CYRIB: variants seen among roughly 807,000 people sequenced by gnomAD.
The protein encoded by CYRIB is CYFIP related Rac1 interactor B.
CYRIB carries 8 observed loss-of-function variants against 44.2 expected under a neutral mutation model. That is an observed-to-expected ratio of 0.18 (90% confidence interval 0.11 to 0.33). The LOEUF (loss-of-function observed/expected upper bound fraction) is 0.33, where lower values mean the gene tolerates loss of function less well. Among genes scored for constraint, CYRIB ranks in the 10% least tolerant of loss-of-function variants. The pLI, the probability that CYRIB is intolerant of heterozygous loss-of-function variation, is 1.00. For synonymous variants in CYRIB, 131 were observed against 127.2 expected, an observed-to-expected ratio of 1.03 and a Z score of -0.20; for missense variants, 185 against 382.8, an observed-to-expected ratio of 0.48 and a Z score of 4.31.
chr8:129,867,482 T>C (rs775645109), intron 4 of CYRIB, among the ~76,000 whole-genome samples: 2 of 151,930 alleles, frequency 1.3e-5, no homozygotes, highest in Non-Finnish European at 2.9e-5. Context: ...CATATTACAT[T>C]AATGGAAAGT....
In CYRIB at chr8:129,997,052, A is replaced by AGGAG. The variant is rs753735139; in HGVS notation, c.-296+19314_-296+19317dup. 6.3e-3 allele frequency among the ~76,000 whole-genome samples: 613 copies of AGGAG among 97,078 alleles called. 5 individuals are homozygous for AGGAG. Among genetic ancestry groups the AGGAG allele is most frequent in the Admixed American group, 0.021 (192 of 9,140 alleles). 63.7% of individuals were successfully genotyped at this position (97,078 alleles called of 152,430 possible). A position where few individuals can be genotyped will look rare whatever the true frequency, so the allele number is the denominator to read the frequency against. On this transcript the variant is annotated intron_variant, in intron 1 of 14. Coordinates refer to the CYRIB transcript ENST00000401979. ...TATGCCTTTGTGAAGGAAGGAAGGA[A>AGGAG]GGAGGGAGGGAGGGAGGGAGGGAGG...
In CYRIB at chr8:129,861,924, C is replaced by T. The variant is rs556792321; in HGVS notation, c.301+305G>A. On this transcript the variant is annotated intron_variant, in intron 5 of 11. Transcript: ENST00000519824. The stretch of plus-strand genomic sequence containing the variant: ...TTTTCCCATATATGGGAAAGTAATC[C>T]TCAGGCCCTTGGTTAGTCAAACTTT... Among the ~76,000 whole-genome samples the T allele has an allele frequency of 3.9e-5, 6 of 152,234 alleles. No individual in the cohort carries two copies. The East Asian group carries it at 9.6e-4, about 24-fold the overall frequency.
chr8:129,951,173 G>A lies in CYRIB; in HGVS notation c.-243+19770C>T, dbSNP rs540309907. ...ACAAAAATTAGCCAGGTGTGGTGGCGGGAGCCTGTAGTCCCAGTTACTCGG... is the reference window on the plus strand; with the variant it reads ...ACAAAAATTAGCCAGGTGTGGTGGCAGGAGCCTGTAGTCCCAGTTACTCGG... On this transcript the variant is annotated intron_variant, in intron 2 of 14. Transcript: ENST00000401979. Among the ~76,000 whole-genome samples the A allele has an allele frequency of 4.0e-4, 61 of 152,064 alleles. 1 individual carries two copies. The East Asian group carries it at 9.1e-3, about 23-fold the overall frequency.
At chr8:129,978,586 A>G (rs1189828245) in intron 1 of CYRIB, among the ~76,000 whole-genome samples, 35 of 152,232 alleles carry the variant, frequency 2.3e-4, no homozygotes, top group Non-Finnish European at 2.9e-5. Context: ...AGAGTTTTCT[A>G]AAGTATCCCT....
At chr8:129,849,148 G>A (rs1196984505) in intron 10 of CYRIB, 95 bp downstream of exon 12, 1 of 1,197,108 alleles carries the variant, frequency 8.4e-7, no homozygotes, top group African/African-American at 1.5e-5. Flanking sequence ...TGAGTTTTGT[G>A]AGAGTCCGGT....
At chr8:129,851,964 C>T (rs950735051) in intron 8 of CYRIB, 198 bp downstream of exon 10, 20 of 392,024 alleles carry the variant, frequency 5.1e-5, no homozygotes, top group Middle Eastern at 1.2e-3. Context: ...ACTGAGGTTT[C>T]CACCATCCCT....
In CYRIB at chr8:129,881,870, C is replaced by G. The variant is rs565687194; in HGVS notation, c.-10-2399G>C. Among the ~76,000 whole-genome samples, 51 of 152,176 alleles carry G rather than the reference C, an allele frequency of 3.4e-4. 1 individual carries two copies. Among genetic ancestry groups the G allele is most frequent in the African/African-American group, 1.2e-3 (50 of 41,510 alleles). On this transcript the variant is annotated intron_variant, in intron 2 of 11. Coordinates refer to ENST00000519824, the Ensembl canonical transcript of CYRIB. Reference sequence around the variant, plus strand: ...ATACATTGTAAAACATTTAATAATACCAAGCTTTTATATTAAAGGAAAAGA... The same window carrying G: ...ATACATTGTAAAACATTTAATAATAGCAAGCTTTTATATTAAAGGAAAAGA...
intron 1 of CYRIB, among the ~76,000 whole-genome samples, chr8:129,972,986 C>T (rs993595792): frequency 3.9e-5 from 6 of 152,190 alleles, no homozygotes; most frequent in African/African-American, 1.4e-4. Flanking sequence ...CTGACTTGGG[C>T]AAGTCACTTA....
At chr8:129,959,724 G>A (rs138628424) in intron 2 of CYRIB, among the ~76,000 whole-genome samples, 3 of 152,256 alleles carry the variant, frequency 2.0e-5, no homozygotes, top group East Asian at 3.9e-4. Context: ...CCCATCAAGA[G>A]GCATTCTTCA....
chr8:129,993,052 C>T (rs1027608996), intron 1 of CYRIB, among the ~76,000 whole-genome samples: 3 of 152,144 alleles, frequency 2.0e-5, no homozygotes, highest in Admixed American at 6.5e-5. Flanking sequence ...GCAGGGTAAC[C>T]GTGGTTGCAA....
intron 1 of CYRIB, among the ~76,000 whole-genome samples, chr8:129,974,800 GCCTCAACCTCCTGGGCT>G (rs2095848535): frequency 6.6e-6 from 1 of 150,620 alleles, no homozygotes. Flanking sequence ...GCTTACTGTA[GCCTCAACCTCCTGGGCT>G]CAAAGTGCTC....
chr8:129,933,888 A>G (rs894102822), intron 1 of CYRIB, among the ~76,000 whole-genome samples: 2 of 133,728 alleles, frequency 1.5e-5, no homozygotes, highest in Non-Finnish European at 3.2e-5. Flanking sequence ...TCACACACAC[A>G]AAAAAAAAAA....
chr8:129,910,044 T>C (rs913588364), intron 1 of CYRIB, among the ~76,000 whole-genome samples: 2 of 152,206 alleles, frequency 1.3e-5, no homozygotes, highest in African/African-American at 2.4e-5. Context: ...GACAAGACCA[T>C]GCTGTAACCA....
chr8:129,846,955 A>G (rs908946774), intron 10 of CYRIB, 81 bp from the exon 13 acceptor site: 1 of 774,040 alleles, frequency 1.3e-6, no homozygotes, highest in Non-Finnish European at 2.0e-6. Context: ...AAATAAATCA[A>G]GACCATAACT....
intron 2 of CYRIB, chr8:129,894,385 C>CT (rs1462986437): frequency 3.3e-5 from 5 of 152,192 alleles, no homozygotes; most frequent in Middle Eastern, 3.4e-3. Flanking sequence ...AAATGTGCAC[C>CT]TCTTTGTATT....
intron 1 of CYRIB, among the ~76,000 whole-genome samples, chr8:129,990,499 T>TGTGTGTGTGTATGC (rs2096604362): frequency 2.1e-5 from 1 of 46,872 alleles, no homozygotes; most frequent in Admixed American, 2.3e-4. Context: ...TGTGTATGCG[T>TGTGTGTGTGTATGC]GTGTGTGTGT....
chr8:129,942,931 C>CT (rs533508652), upstream of CYRIB, among the ~76,000 whole-genome samples: 199 of 152,302 alleles, frequency 1.3e-3, no homozygotes, highest in Middle Eastern at 3.4e-3. Context: ...TCTCTGTCTA[C>CT]TTTTTTAAAT....
chr8:129,862,619 C>T (rs985216440), intron 4 of CYRIB, among the ~76,000 whole-genome samples: 18 of 152,174 alleles, frequency 1.2e-4, no homozygotes, highest in Admixed American at 6.5e-4. Context: ...TACAGGCACG[C>T]GCCACCACAC....
chr8:129,916,269 C>T (rs762836559), intron 1 of CYRIB, among the ~76,000 whole-genome samples: 1 of 152,130 alleles, frequency 6.6e-6, no homozygotes, highest in Non-Finnish European at 1.5e-5. Flanking sequence ...GCTCTCACTC[C>T]TAACTACTGC....
Sources: gnomAD v4.1 joint callset for allele counts (sites outside exome capture counted in the v4.1 genomes callset) on GRCh38, gnomAD v4.1.1 for gene constraint, MANE v1.5 for transcripts, NCBI Gene and HGNC (gene_info 2026-07-23, HGNC 2026-07-21) for gene names.